The following BLK variants were observed in gnomAD, a reference collection of about 807,000 sequenced individuals.
BLK encodes the protein BLK proto-oncogene, Src family tyrosine kinase, also known as tyrosine-protein kinase Blk.
In BLK, 64 loss-of-function variants were observed where a neutral mutation model predicts 61.8. The ratio of observed to expected loss-of-function variants is 1.03; its 90% CI spans 0.85 to 1.27. BLK has a LOEUF of 1.27. BLK is among the 50% of genes most tolerant of loss of function. The pLI is 0.00. For missense variants in BLK, 853 were observed against 660.5 expected (o/e 1.29, Z -3.19); for synonymous variants, 351 against 272.0 (o/e 1.29, Z -2.86).
intron 1 of BLK, chr8:11,509,060 G>C (rs924876810): frequency 6.6e-6 from 1 of 152,208 alleles, no homozygotes; most frequent in Non-Finnish European, 1.5e-5. Context: ...TTACTTAGGA[G>C]GCATCACAAC....
At chr8:11,528,125 C>G (rs548426464) in intron 1 of BLK, among the ~76,000 whole-genome samples, 1 of 152,244 alleles carries the variant, frequency 6.6e-6, no homozygotes, top group East Asian at 1.9e-4. Context: ...CAATCTCTGC[C>G]TCCCAGGCTC....
At position 11,555,342 on chromosome 8, in the gene BLK, T is replaced by C. The variant is rs1443676018; in HGVS notation, c.630T>C (p.Asp210=). The C allele has an allele frequency of 1.6e-5, 26 of 1,613,958 alleles. No homozygotes were observed. The highest frequency in any genetic ancestry group is 2.1e-5 in the Non-Finnish European group (25 of 1,180,024). ...ALVQHYSKKG[D]GLCQRLTLPC... The stretch of plus-strand genomic sequence containing the variant: ...TCTTCCCTAATGCAGAGAAGGGGGA[T>C]GGTCTATGCCAGAGGCTGACCCTGC... Residue 210 remains aspartate (D), a synonymous_variant, in exon 8 of 13, where the codon GAT becomes GAC. Transcript: ENST00000259089.
chr8:11,555,691 G>A, intron 8 of BLK: 2 of 759,272 alleles, frequency 2.6e-6, no homozygotes, highest in East Asian at 5.6e-5. Context: ...TATGGTGGTG[G>A]CAGAGCAGGA....
At chr8:11,512,562 A>G (rs779581785) in intron 1 of BLK, among the ~76,000 whole-genome samples, 38 of 152,270 alleles carry the variant, frequency 2.5e-4, no homozygotes, top group Non-Finnish European at 4.8e-4. Context: ...TAAGGCAGGC[A>G]GAAAACATAT....
At chr8:11,518,664 G>T (rs549143588) in intron 1 of BLK, among the ~76,000 whole-genome samples, 10 of 152,120 alleles carry the variant, frequency 6.6e-5, no homozygotes, top group Non-Finnish European at 1.3e-4. Flanking sequence ...CACAACAGCT[G>T]CAGTGATCCC....
At chr8:11,494,647 G>A (rs1170540608) in intron 1 of BLK, 56 bp downstream of exon 1, 1 of 152,250 alleles carries the variant, frequency 6.6e-6, no homozygotes, top group Non-Finnish European at 1.5e-5. Flanking sequence ...TGTGCAAATG[G>A]TGCTGTAAGG....
chr8:11,529,264 G>A (rs986360150), intron 1 of BLK, among the ~76,000 whole-genome samples: 5 of 152,196 alleles, frequency 3.3e-5, no homozygotes, highest in African/African-American at 1.2e-4. Flanking sequence ...CTGTGTGGAA[G>A]ACCGGAGTCT....
At chr8:11,561,605 C>T (rs548664798) in intron 11 of BLK, among the ~76,000 whole-genome samples, 153 bp downstream of exon 11, 10 of 152,220 alleles carry the variant, frequency 6.6e-5, no homozygotes, top group Admixed American at 4.6e-4. Flanking sequence ...CCTTCATTTA[C>T]CCAAATGTGT....
chr8:11,506,926 C>T (rs1798792480), intron 1 of BLK, among the ~76,000 whole-genome samples: 1 of 152,216 alleles, frequency 6.6e-6, no homozygotes, highest in South Asian at 2.1e-4. Flanking sequence ...GCATCACGGG[C>T]TGAAAGCAGG....
intron 1 of BLK, among the ~76,000 whole-genome samples, chr8:11,522,288 A>G (rs1010338846): frequency 6.6e-6 from 1 of 152,242 alleles, no homozygotes; most frequent in Admixed American, 6.5e-5. Context: ...AAATATAATC[A>G]AGGGAAACAA....
At chr8:11,516,771 T>C (rs1342931009) in intron 1 of BLK, among the ~76,000 whole-genome samples, 1 of 152,224 alleles carries the variant, frequency 6.6e-6, no homozygotes, top group Non-Finnish European at 1.5e-5. Flanking sequence ...TTTCCTTCCT[T>C]TGTAAGACTG....
intron 4 of BLK, among the ~76,000 whole-genome samples, chr8:11,548,429 G>T (rs1800745418): frequency 6.6e-6 from 1 of 152,192 alleles, no homozygotes; most frequent in Admixed American, 6.5e-5. Flanking sequence ...TATGCAGGCT[G>T]GTCTGGCTGT....
intron 1 of BLK, among the ~76,000 whole-genome samples, chr8:11,530,518 C>A (rs1253001276): frequency 6.6e-6 from 1 of 152,194 alleles, no homozygotes; most frequent in Non-Finnish European, 1.5e-5. Flanking sequence ...CAAAAGAAAA[C>A]ACATTCTTAT....
chr8:11,545,061 A>G (rs1055859776), intron 2 of BLK, among the ~76,000 whole-genome samples: 1 of 152,148 alleles, frequency 6.6e-6, no homozygotes, highest in Non-Finnish European at 1.5e-5. Context: ...TAGTTTCATT[A>G]TTCATGTTGT....
intron 1 of BLK, among the ~76,000 whole-genome samples, chr8:11,517,399 A>G (rs1799270697): frequency 6.6e-6 from 1 of 152,234 alleles, no homozygotes; most frequent in South Asian, 2.1e-4. Flanking sequence ...GACATTTACT[A>G]GAAGTCCAAG....
chr8:11,516,928 G>A (rs1339350615), intron 1 of BLK, among the ~76,000 whole-genome samples: 2 of 152,184 alleles, frequency 1.3e-5, no homozygotes, highest in East Asian at 3.8e-4. Context: ...CTGTCATTCT[G>A]GATACACACC....
At chr8:11,535,082 G>T (rs537161048) in intron 1 of BLK, among the ~76,000 whole-genome samples, 17 of 152,114 alleles carry the variant, frequency 1.1e-4, no homozygotes, top group African/African-American at 4.1e-4. Context: ...GGAGGTTGAG[G>T]TGGGAGGATC....
At chr8:11,537,461 G>A (rs1037507526) in intron 1 of BLK, among the ~76,000 whole-genome samples, 1 of 152,166 alleles carries the variant, frequency 6.6e-6, no homozygotes, top group African/African-American at 2.4e-5. Context: ...ACATAACATG[G>A]CAAGGCTTCC....
chr8:11,517,870 G>C (rs934315530), intron 1 of BLK, among the ~76,000 whole-genome samples: 1 of 152,214 alleles, frequency 6.6e-6, no homozygotes, highest in Non-Finnish European at 1.5e-5. Flanking sequence ...ACCTTTCAGA[G>C]CTGAAATTGA....
Sources: allele counts gnomAD v4.1 joint callset (sites outside exome capture counted in the v4.1 genomes callset), GRCh38; gene constraint gnomAD v4.1.1; transcripts MANE v1.5; gene names NCBI Gene and HGNC (gene_info 2026-07-23, HGNC 2026-07-21).